TENM2: variants seen among roughly 807,000 people sequenced by gnomAD.
TENM2 encodes the protein teneurin transmembrane protein 2.
In TENM2, 52 loss-of-function variants were observed where a neutral mutation model predicts 245.2. The observed-to-expected ratio is 0.21, with a 90% CI of 0.17 to 0.27. TENM2 has a LOEUF of 0.27. Among genes scored for constraint, TENM2 ranks in the 10% least tolerant of loss-of-function variants. The pLI is 1.00. For missense variants in TENM2, 3,046 were observed against 3,666.8 expected, an observed-to-expected ratio of 0.83 and a Z score of 4.37; for synonymous variants, 1,363 against 1,438.9, an observed-to-expected ratio of 0.95 and a Z score of 1.19.
At chr5:167,753,992 G>A (rs1001906336) in intron 2 of TENM2, among the ~76,000 whole-genome samples, 1 of 151,968 alleles carries the variant, frequency 6.6e-6, no homozygotes, top group African/African-American at 2.4e-5. Flanking sequence ...ATATGGAGTT[G>A]GGATGCATTG....
intron 2 of TENM2, among the ~76,000 whole-genome samples, chr5:167,543,134 A>G (rs11949204): frequency 0.078 from 11,945 of 152,216 alleles, 1,274 homozygotes; most frequent in African/African-American, 0.24. Context: ...AGGTGATTCC[A>G]ATGCTCACTC....
At chr5:167,335,079 G>C (rs1304300318) in intron 1 of TENM2, among the ~76,000 whole-genome samples, 1 of 152,192 alleles carries the variant, frequency 6.6e-6, no homozygotes, top group Non-Finnish European at 1.5e-5. Flanking sequence ...GAAAAGAAAA[G>C]AAAAGATGTT....
intron 2 of TENM2, among the ~76,000 whole-genome samples, chr5:167,847,434 T>C (rs1375437185): frequency 6.6e-6 from 1 of 152,242 alleles, no homozygotes; most frequent in Non-Finnish European, 1.5e-5. Flanking sequence ...TCATTTTTTC[T>C]ATCACTTCTA....
intron 2 of TENM2, among the ~76,000 whole-genome samples, chr5:167,794,142 T>C (rs1765165584): frequency 6.6e-6 from 1 of 152,112 alleles, no homozygotes; most frequent in South Asian, 2.1e-4. Flanking sequence ...ACAGTAGCTA[T>C]GTCGCCCACC....
chr5:167,076,201 A>G, the TENM2 span, among the ~76,000 whole-genome samples: 2 of 152,210 alleles, frequency 1.3e-5, no homozygotes, highest in Non-Finnish European at 2.9e-5. Context: ...CAGAGAAAAC[A>G]CTAGGTATAA....
chr5:167,874,251 A>G (rs1374362538), intron 2 of TENM2, among the ~76,000 whole-genome samples: 1 of 152,168 alleles, frequency 6.6e-6, no homozygotes, highest in Non-Finnish European at 1.5e-5. Context: ...GTCTCCCACT[A>G]GACTATAAGC....
intron 2 of TENM2, among the ~76,000 whole-genome samples, chr5:167,559,303 T>C (rs1364678348): frequency 6.6e-6 from 1 of 152,192 alleles, no homozygotes; most frequent in Non-Finnish European, 1.5e-5. Context: ...ATTAGCTGAA[T>C]ATGCCCAGAA....
the TENM2 span, among the ~76,000 whole-genome samples, chr5:167,123,153 A>T: frequency 6.6e-6 from 1 of 151,746 alleles, no homozygotes; most frequent in Non-Finnish European, 1.5e-5. Context: ...CAAAAAAAAA[A>T]AAAAAAATTA....
At chr5:167,758,777 A>G (rs1762471803) in intron 2 of TENM2, among the ~76,000 whole-genome samples, 1 of 152,132 alleles carries the variant, frequency 6.6e-6, no homozygotes, top group Non-Finnish European at 1.5e-5. Context: ...TGATTTCCAG[A>G]AACCTTGACC....
chr5:167,612,518 CAT>C (rs1777541187), intron 2 of TENM2, among the ~76,000 whole-genome samples: 1 of 152,004 alleles, frequency 6.6e-6, no homozygotes, highest in African/African-American at 2.4e-5. Flanking sequence ...GGCTTGGTGG[CAT>C]ATGATATATT....
chr5:167,482,665 G>A (rs750680792), intron 2 of TENM2, among the ~76,000 whole-genome samples: 1 of 152,078 alleles, frequency 6.6e-6, no homozygotes, highest in East Asian at 1.9e-4. Flanking sequence ...CAGCCTAATC[G>A]TACAGCAGTA....
chr5:166,999,426 AGGCAGATTGTCTGGT>A, the TENM2 span, among the ~76,000 whole-genome samples: 2 of 152,218 alleles, frequency 1.3e-5, no homozygotes, highest in Admixed American at 1.3e-4. Flanking sequence ...GATGCATAGA[AGGCAGATTGTCTGGT>A]GGCAGATCAA....
chr5:167,737,985 C>G (rs1760916864), intron 2 of TENM2, among the ~76,000 whole-genome samples: 1 of 152,238 alleles, frequency 6.6e-6, no homozygotes, highest in Non-Finnish European at 1.5e-5. Context: ...TTGGCCTCAG[C>G]TGTCATGGCT....
At position 167,415,050 on chromosome 5, in the gene TENM2, C is replaced by T. The variant is rs1763094935; in HGVS notation, c.502+39577C>T. Among the ~76,000 whole-genome samples, 3 of 152,096 alleles carry T rather than the reference C, an allele frequency of 2.0e-5. No homozygotes were observed. The South Asian group carries it at 6.2e-4, about 31-fold the overall frequency. On this transcript the variant is annotated intron_variant, in intron 2 of 28. Transcript: ENST00000518659. Reference sequence around the variant, plus strand: ...CCTTTGCAAGTTGGTTCTCTTTCCTCACAAGTATCCACAGGTAAAGAATTT... The same window carrying T: ...CCTTTGCAAGTTGGTTCTCTTTCCTTACAAGTATCCACAGGTAAAGAATTT...
intron 3 of TENM2, among the ~76,000 whole-genome samples, chr5:167,902,390 A>T (rs1775775810): frequency 6.6e-6 from 1 of 152,194 alleles, no homozygotes; most frequent in East Asian, 1.9e-4. Flanking sequence ...TGCTTCTGTC[A>T]TTGGTGCAGT....
At chr5:167,356,658 C>T (rs1759353328) in intron 1 of TENM2, among the ~76,000 whole-genome samples, 1 of 152,110 alleles carries the variant, frequency 6.6e-6, no homozygotes, top group South Asian at 2.1e-4. Flanking sequence ...TTGTGCATTC[C>T]AGGATGATAT....
chr5:167,462,991 A>G (rs1766414982), intron 2 of TENM2, among the ~76,000 whole-genome samples: 1 of 152,146 alleles, frequency 6.6e-6, no homozygotes, highest in Admixed American at 6.5e-5. Context: ...CAAAAGCATA[A>G]CAGTTACTAG....
chr5:167,500,075 TGA>T, intron 2 of TENM2, among the ~76,000 whole-genome samples: 2 of 151,304 alleles, frequency 1.3e-5, no homozygotes, highest in East Asian at 2.0e-4. Context: ...TGTGTGTGTG[TGA>T]GTGTGTGTGT....
chr5:167,268,139 T>C, the TENM2 span, among the ~76,000 whole-genome samples: 1 of 152,160 alleles, frequency 6.6e-6, no homozygotes, highest in South Asian at 2.1e-4. Context: ...AAATAAGATA[T>C]AGAGGCATAG....
Sources: gnomAD v4.1 joint callset for allele counts (sites outside exome capture counted in the v4.1 genomes callset) on GRCh38, gnomAD v4.1.1 for gene constraint, MANE v1.5 for transcripts, NCBI Gene and HGNC (gene_info 2026-07-23, HGNC 2026-07-21) for gene names.